The following TERF1 variants were observed in gnomAD, a reference collection of about 807,000 sequenced individuals.
TERF1 encodes telomeric repeat-binding factor 1.
Under a neutral mutation model 55.1 loss-of-function variants are expected in TERF1, and 20 were observed. The observed-to-expected ratio is 0.36, with a 90% confidence interval of 0.26 to 0.53. The LOEUF (loss-of-function observed/expected upper bound fraction) is 0.53. Among genes scored for constraint, TERF1 ranks in the 20% least tolerant of loss-of-function variants. The pLI is 0.91. For synonymous variants in TERF1, 168 were observed against 181.2 expected, an observed-to-expected ratio of 0.93 and a Z score of 0.59; for missense variants, 439 against 535.7, an observed-to-expected ratio of 0.82 and a Z score of 1.78.
intron 5 of TERF1, 22 bp downstream of exon 5, chr8:73,024,993 G>T: frequency 7.1e-7 from 1 of 1,400,762 alleles, no homozygotes; most frequent in South Asian, 1.4e-5. Flanking sequence ...ATTCAAGAGT[G>T]ACTAATAATA....
At chr8:73,041,081 G>T (rs1809812780) in intron 9 of TERF1, among the ~76,000 whole-genome samples, 1 of 152,080 alleles carries the variant, frequency 6.6e-6, no homozygotes, top group African/African-American at 2.4e-5. Context: ...TTCAAAATCT[G>T]TGCCATATCT....
At chr8:73,020,021 A>AT (rs1383703455) in intron 2 of TERF1, among the ~76,000 whole-genome samples, 2 of 152,154 alleles carry the variant, frequency 1.3e-5, no homozygotes, top group Non-Finnish European at 2.9e-5. Context: ...TAAGAGCAGG[A>AT]TTTTGTCTTA....
chr8:73,025,986 G>A (rs1808974206), intron 5 of TERF1, among the ~76,000 whole-genome samples: 1 of 151,672 alleles, frequency 6.6e-6, no homozygotes, highest in South Asian at 2.1e-4. Flanking sequence ...CTTGATCCCA[G>A]GAGTTTGAGA....
chr8:73,026,810 T>C (rs563904547), intron 5 of TERF1, 130 bp from the exon 6 acceptor site: 1 of 687,596 alleles, frequency 1.5e-6, no homozygotes, highest in South Asian at 1.7e-5. Context: ...CACAGTGCCC[T>C]TCATTGGCCT....
At chr8:73,014,105 G>A in intron 2 of TERF1, 115 bp downstream of exon 2, 1 of 729,564 alleles carries the variant, frequency 1.4e-6, no homozygotes, top group South Asian at 1.7e-5. Context: ...CTGGTGCATA[G>A]GGGTGTGGGG....
rs1809592139 is a variant in TERF1 at position 73,037,548 on chromosome 8, T to C, written c.1040-1568T>C. Among the ~76,000 whole-genome samples the C allele has an allele frequency of 3.6e-5, 4 of 111,242 alleles. 1 individual carries two copies. In the South Asian group the frequency reaches 9.8e-4, roughly 27 times the overall value. 73.0% of individuals were successfully genotyped at this position (111,242 alleles called of 152,430 possible). On this transcript the variant is annotated intron_variant, in intron 8 of 9. Coordinates refer to ENST00000276603, the MANE Select transcript of TERF1 (RefSeq NM_017489.3). ...TAAACCTTGGAACCTTGGAATAAAA[T>C]ATTCGGGGGGGAAAATATATATATT...
chr8:73,026,525 T>G (rs1349383252), intron 5 of TERF1, among the ~76,000 whole-genome samples: 2 of 152,208 alleles, frequency 1.3e-5, no homozygotes, highest in African/African-American at 4.8e-5. Context: ...AAAATTTTTC[T>G]AATAACATTT....
At position 73,008,957 on chromosome 8, in the gene TERF1, C is replaced by G; in HGVS notation, c.71C>G (p.Thr24Ser). 1 of 1,613,018 alleles carries G rather than the reference C, an allele frequency of 6.2e-7. No individual in the cohort carries two copies. The highest frequency in any genetic ancestry group is 1.1e-5 in the South Asian group (1 of 90,880). The change falls in exon 1 of 10, where the codon ACT becomes AGT. Residue 24 changes from threonine (T) to serine (S), a missense_variant. This residue lies in a region of TERF1 where 179 missense variants were observed against 152.6 expected (regional missense o/e 1.17). Transcript: ENST00000276603. The stretch of plus-strand genomic sequence containing the variant: ...GCGGATGGTAGGGATGCCGACCCTA[C>G]TGAGGAGCAGATGGCAGAAACAGAG... Reference protein sequence around the residue: ...GCADGRDADPTEEQMAETERN... With the variant: ...GCADGRDADPSEEQMAETERN...
rs569109073 is a variant in TERF1 at position 73,040,702 on chromosome 8, CCTT to C, written c.1143+1492_1143+1494del. Among the ~76,000 whole-genome samples, 50 of 152,274 alleles carry C rather than the reference CCTT, an allele frequency of 3.3e-4. No homozygotes were observed. In the East Asian group the frequency reaches 7.5e-3, roughly 23 times the overall value. On this transcript the variant is annotated intron_variant, in intron 9 of 9. Coordinates refer to ENST00000276603, the MANE Select transcript of TERF1 (RefSeq NM_017489.3). ...CTTCAAATCTTTCTTTTGTTCCTTT[CCTT>C]CTTCTTCTGGTGTTCCCATTATGAT...
chr8:73,046,234 T>G lies in TERF1; in HGVS notation c.*97T>G. ...CATTGATGTAATTTAAAACTTTTGT[T>G]TAAAGCATTACAGTATTTTTCTGTG... On this transcript the variant is annotated 3_prime_UTR_variant, in exon 10 of 10. Coordinates refer to ENST00000276603, the MANE Select transcript of TERF1 (RefSeq NM_017489.3). 8.9e-7 allele frequency: 1 copy of G among 1,119,138 alleles called. No homozygotes were observed. Among genetic ancestry groups the G allele is most frequent in the South Asian group, 2.0e-5 (1 of 50,214 alleles). The allele number at this position is 1,119,138 out of a possible 1,614,324, so 69.3% of individuals were successfully genotyped here.
rs1290419944 is a variant in TERF1 at position 73,025,058 on chromosome 8, AAT to A, written c.774+88_774+89del. The A allele has an allele frequency of 7.2e-6, 6 of 834,586 alleles. No homozygotes were observed. In the African/African-American group the frequency reaches 1.1e-4, roughly 15 times the overall value. The allele number at this position is 834,586 out of a possible 1,614,324, so 51.7% of individuals were successfully genotyped here. A position where few individuals can be genotyped will look rare whatever the true frequency, so the allele number is the denominator to read the frequency against. On this transcript the variant is annotated intron_variant, in intron 5 of 9. Transcript: ENST00000276603. Reference sequence around the variant, plus strand: ...AATACTTGAAATAGAAATCCTTTAAAATTAATCAGAATTTTTCATTGTGGTTT... The same window carrying A: ...AATACTTGAAATAGAAATCCTTTAAATAATCAGAATTTTTCATTGTGGTTT...
chr8:73,028,714 A>C (rs762675549), intron 6 of TERF1, among the ~76,000 whole-genome samples: 3 of 151,784 alleles, frequency 2.0e-5, no homozygotes. Context: ...TCTCCAAGGC[A>C]AGCTCTTCCT....
chr8:73,030,340 A>C lies in TERF1; in HGVS notation c.892A>C (p.Ser298Arg), dbSNP rs1175417685. ...EANLDTRKSV[S>R]DKQSAVTESS... ...AAATTTTTTCTTCTTTTAAAGTGTT[A>C]GTGACAAACAGTCTGCGGTAACTGA... The change falls in exon 7 of 10, where the codon AGT (serine) becomes CGT (arginine). Residue 298 changes from serine to arginine, a missense_variant. By Grantham distance (110) the Ser-to-Arg change is moderately radical (BLOSUM62 -1). Transcript: ENST00000276603. 6.5e-7 allele frequency: 1 copy of C among 1,530,960 alleles called. No individual in the cohort carries two copies. 94.8% of individuals were successfully genotyped at this position (1,530,960 alleles called of 1,614,324 possible). A position where few individuals can be genotyped will look rare whatever the true frequency, so the allele number is the denominator to read the frequency against.
chr8:73,043,384 A>G (rs1161310465), intron 9 of TERF1: 4 of 152,326 alleles, frequency 2.6e-5, no homozygotes, highest in African/African-American at 7.2e-5. Context: ...ACTTAATGCT[A>G]AACACTGTTA....
rs1318231459 is a variant in TERF1, at chr8:73,014,184, C to T, written c.415+194C>T. Among the ~76,000 whole-genome samples the T allele has an allele frequency of 2.6e-5, 4 of 151,298 alleles. No homozygotes were observed. In the East Asian group the frequency reaches 7.7e-4, roughly 29 times the overall value. On this transcript the variant is annotated intron_variant, in intron 2 of 9. Coordinates refer to ENST00000276603, the MANE Select transcript of TERF1 (RefSeq NM_017489.3). ...CAAGTAAAAGAAATGTAGTCCCTGTCATCTTAGAACATTGGTTCTCAAACT... is the reference window on the plus strand; with the variant it reads ...CAAGTAAAAGAAATGTAGTCCCTGTTATCTTAGAACATTGGTTCTCAAACT...
Position 73,009,075 on chromosome 8 carries a change from C to A in TERF1, c.189C>A (p.Asp63Glu). The change falls in exon 1 of 10, where the codon GAC (aspartate) becomes GAA (glutamate). Residue 63 changes from aspartate to glutamate, a missense_variant. Transcript: ENST00000276603. ...APEEEEEEEE[D>E]AGLVAEAEAV... The stretch of plus-strand genomic sequence containing the variant: ...AGGAGGAGGAGGAGGAGGAGGAGGA[C>A]GCGGGCCTGGTGGCCGAGGCCGAGG... The A allele has an allele frequency of 6.2e-7, 1 of 1,605,576 alleles. No homozygotes were observed. Among genetic ancestry groups the A allele is most frequent in the Non-Finnish European group, 8.5e-7 (1 of 1,177,290 alleles).
chr8:73,027,120 T>C (rs912554954), intron 6 of TERF1, 68 bp downstream of exon 6: 7 of 1,093,156 alleles, frequency 6.4e-6, no homozygotes, highest in African/African-American at 6.4e-5. Context: ...AAAATTGATA[T>C]GTCTTTTTAT....
chr8:73,027,860 G>C (rs1381917391), intron 6 of TERF1, among the ~76,000 whole-genome samples: 3 of 132,058 alleles, frequency 2.3e-5, no homozygotes, highest in African/African-American at 8.5e-5. Flanking sequence ...TGGGGTTCAA[G>C]TTGGATCTAC....
At chr8:73,021,975 A>G (rs1177850232) in intron 3 of TERF1, among the ~76,000 whole-genome samples, 1 of 152,222 alleles carries the variant, frequency 6.6e-6, no homozygotes, top group East Asian at 1.9e-4. Flanking sequence ...AATTAGAGAT[A>G]GAATGCTGGG....
Sources: allele counts gnomAD v4.1 joint callset (sites outside exome capture counted in the v4.1 genomes callset), GRCh38; gene constraint gnomAD v4.1.1; regional missense constraint gnomAD v4.1.1; transcripts MANE v1.5; gene names NCBI Gene and HGNC (gene_info 2026-07-23, HGNC 2026-07-21).